Variants in OBI1 observed in about 807,000 individuals in gnomAD.
The protein encoded by OBI1 is ring finger protein 219.
In OBI1, 59 loss-of-function variants were observed where a neutral mutation model predicts 62.4. The ratio of observed to expected loss-of-function variants is 0.95; its 90% CI spans 0.77 to 1.17. The LOEUF is 1.17. Among genes scored for constraint, OBI1 ranks in the 50% most tolerant of loss-of-function variants. The probability of loss-of-function intolerance (pLI) is 0.00; values close to 1 mark genes in which losing one functional copy is unlikely to be tolerated. For synonymous variants in OBI1, 302 were observed against 292.8 expected (o/e 1.03, Z -0.32); for missense variants, 875 against 830.9 (o/e 1.05, Z -0.65).
rs1347013537 is a variant in OBI1, at chr13:78,644,901, C to G, written c.169G>C (p.Val57Leu). 1 of 1,613,990 alleles carries G rather than the reference C, an allele frequency of 6.2e-7. No individual in the cohort carries two copies. The highest frequency in any genetic ancestry group is 1.3e-5 in the African/African-American group (1 of 75,022). Residue 57 changes from valine to leucine, a missense_variant, in exon 2 of 6, where the codon GTC becomes CTC. By Grantham distance (32) the Val-to-Leu change is conservative. Coordinates refer to ENST00000282003, the MANE Select transcript of OBI1 (RefSeq NM_024546.4). ...CAAGGATTTTCAGGAGTGATGGGGA[C>G]TCTGCAAGCTGGACACTGGCTATTA... is the stretch of plus-strand genomic sequence containing the variant. ...KNNSQCPACRVPITPENPCKE... is the reference protein window; with the variant it reads ...KNNSQCPACRLPITPENPCKE...
At chr13:78,617,260 C>A (rs577471450) in intron 5 of OBI1, 138 bp from the exon 6 acceptor site, 3 of 556,952 alleles carry the variant, frequency 5.4e-6, no homozygotes, top group South Asian at 3.9e-5. Context: ...AGGGCAAATG[C>A]CAGATGTATA....
At chr13:78,629,016 A>G (rs1412392711) in intron 5 of OBI1, among the ~76,000 whole-genome samples, 4 of 152,188 alleles carry the variant, frequency 2.6e-5, no homozygotes, top group African/African-American at 9.6e-5. Flanking sequence ...CTCAAAAAAT[A>G]CAAATAGAGC....
chr13:78,631,436 T>C (rs1295214959), intron 5 of OBI1, among the ~76,000 whole-genome samples: 2 of 152,170 alleles, frequency 1.3e-5, no homozygotes, highest in Non-Finnish European at 2.9e-5. Context: ...CAATGTTAAG[T>C]AAGAAAAAAT....
At position 78,644,921 on chromosome 13, in the gene OBI1, C is replaced by T. The variant is rs200413095; in HGVS notation, c.149G>A (p.Ser50Asn). The change falls in exon 2 of 6, where the codon AGC (serine) becomes AAC (asparagine). Residue 50 changes from serine (S) to asparagine (N), a missense_variant. Transcript: ENST00000282003. ...GGGGACTCTGCAAGCTGGACACTGG[C>T]TATTATTCTTCAACCACAAATCAAT... ...ICIDLWLKNN[S>N]QCPACRVPIT... 169 of 1,613,888 alleles carry T rather than the reference C, an allele frequency of 1.0e-4. No individual in the cohort carries two copies. The highest frequency in any genetic ancestry group is 2.4e-4 in the South Asian group (22 of 91,064).
intron 3 of OBI1, 63 bp downstream of exon 3, chr13:78,642,059 G>A: frequency 2.4e-6 from 2 of 844,404 alleles, no homozygotes; most frequent in Non-Finnish European, 4.0e-6. Context: ...TGGGGACTGA[G>A]GTAGGTCAGT....
intron 5 of OBI1, among the ~76,000 whole-genome samples, chr13:78,625,653 C>T (rs900032058): frequency 1.3e-5 from 2 of 152,202 alleles, no homozygotes; most frequent in Non-Finnish European, 2.9e-5. Context: ...AACTGCAGTA[C>T]CTGTCTATCC....
At position 78,631,927 on chromosome 13, in the gene OBI1, G is replaced by A. The variant is rs185020153; in HGVS notation, c.638+3183C>T. The stretch of plus-strand genomic sequence containing the variant: ...AAAAGATTGTATGTAAAATATATTC[G>A]TTTTTATACAATACCATGTTCTTGA... On this transcript the variant is annotated intron_variant, in intron 5 of 5. Transcript: ENST00000282003. Among the ~76,000 whole-genome samples, 22 of 152,142 alleles carry A rather than the reference G, an allele frequency of 1.4e-4. 1 individual carries two copies. The East Asian group carries it at 2.1e-3, about 15-fold the overall frequency.
At chr13:78,648,528 TA>T (rs111498986) in intron 1 of OBI1, among the ~76,000 whole-genome samples, 7 of 149,824 alleles carry the variant, frequency 4.7e-5, no homozygotes, top group Admixed American at 2.7e-4. Flanking sequence ...AATCTTTCCA[TA>T]AAAAAAAACA....
intron 5 of OBI1, among the ~76,000 whole-genome samples, chr13:78,631,188 CGTAGTAGGA>C (rs1055566657): frequency 6.6e-6 from 1 of 151,994 alleles, no homozygotes; most frequent in African/African-American, 2.4e-5. Flanking sequence ...TCAATAGATA[CGTAGTAGGA>C]GCAGCATGGG....
chr13:78,624,826 T>G (rs1333874856), intron 5 of OBI1, among the ~76,000 whole-genome samples: 1 of 152,184 alleles, frequency 6.6e-6, no homozygotes, highest in East Asian at 1.9e-4. Context: ...TACTTGCTTC[T>G]GTGGCAATTG....
chr13:78,644,109 T>C (rs935424611), intron 2 of OBI1, among the ~76,000 whole-genome samples: 9 of 152,116 alleles, frequency 5.9e-5, no homozygotes, highest in Non-Finnish European at 8.8e-5. Context: ...TAATCCAAAC[T>C]TACATTTTCT....
At position 78,616,555 on chromosome 13, in the gene OBI1, A is replaced by G; in HGVS notation, c.1206T>C (p.Thr402=). ...PLSLSCLQLS[T]PENRESSVVQ... ...CCACAGAGCTCTCTCTATTTTCTGGAGTACTGAGCTGAAGGCAACTAAGGG... is the reference window on the plus strand; with the variant it reads ...CCACAGAGCTCTCTCTATTTTCTGGGGTACTGAGCTGAAGGCAACTAAGGG... The change falls in exon 6 of 6, where the codon ACT becomes ACC. Residue 402 remains threonine (T), a synonymous_variant. Coordinates refer to ENST00000282003, the MANE Select transcript of OBI1 (RefSeq NM_024546.4). The G allele has an allele frequency of 6.2e-7, 1 of 1,614,030 alleles. No individual in the cohort carries two copies. Among genetic ancestry groups the G allele is most frequent in the South Asian group, 1.1e-5 (1 of 91,056 alleles).
At chr13:78,632,408 A>G (rs1875881621) in intron 5 of OBI1, among the ~76,000 whole-genome samples, 2 of 152,062 alleles carry the variant, frequency 1.3e-5, no homozygotes, top group African/African-American at 4.8e-5. Flanking sequence ...CACCTTCCTA[A>G]TATTTTTCCC....
intron 4 of OBI1, among the ~76,000 whole-genome samples, chr13:78,637,593 G>A (rs752502477): frequency 6.6e-6 from 1 of 152,206 alleles, no homozygotes; most frequent in Non-Finnish European, 1.5e-5. Context: ...AAGAACCAGG[G>A]AAATTAAAGG....
chr13:78,656,858 C>G (rs190116975), intron 1 of OBI1, among the ~76,000 whole-genome samples: 5 of 133,252 alleles, frequency 3.8e-5, no homozygotes, highest in Non-Finnish European at 7.7e-5. Context: ...AGTGCAATGG[C>G]GCGATCTCAG....
At chr13:78,635,042 C>A in intron 5 of OBI1, 68 bp downstream of exon 5, 1 of 904,396 alleles carries the variant, frequency 1.1e-6, no homozygotes, top group Non-Finnish European at 1.7e-6. Context: ...AAAAAACAAA[C>A]CCTCACAGCA....
At chr13:78,646,744 T>C (rs78730129) in intron 1 of OBI1, among the ~76,000 whole-genome samples, 1,545 of 152,302 alleles carry the variant, frequency 0.01, 28 homozygotes, top group African/African-American at 0.035. Flanking sequence ...GAGTATTCAT[T>C]AATTTAAAAG....
chr13:78,644,842 T>C lies in OBI1; in HGVS notation c.208+20A>G. On this transcript the variant is annotated intron_variant, in intron 2 of 5. Transcript: ENST00000282003. Reference sequence around the variant, plus strand: ...ATTGTTTCAAACCTATTCCTATGCATATATAAAACAGGCCCTTACCTATAA... The same window carrying C: ...ATTGTTTCAAACCTATTCCTATGCACATATAAAACAGGCCCTTACCTATAA... 2 of 1,609,858 alleles carry C rather than the reference T, an allele frequency of 1.2e-6. No individual in the cohort carries two copies. Among genetic ancestry groups the C allele is most frequent in the Non-Finnish European group, 1.7e-6 (2 of 1,176,160 alleles).
intron 5 of OBI1, among the ~76,000 whole-genome samples, chr13:78,623,270 TAA>T (rs34129925): frequency 2.9e-5 from 4 of 136,176 alleles, no homozygotes; most frequent in African/African-American, 8.0e-5. Flanking sequence ...AGAGAACATT[TAA>T]AAAAAAAAAA....
Sources: allele counts gnomAD v4.1 joint callset (sites outside exome capture counted in the v4.1 genomes callset), GRCh38; gene constraint gnomAD v4.1.1; transcripts MANE v1.5; gene names NCBI Gene and HGNC (gene_info 2026-07-23, HGNC 2026-07-21).